Variants in ZNF429 observed in about 807,000 individuals in gnomAD.
ZNF429 encodes the protein zinc finger protein 429.
A neutral mutation model predicts 56.8 loss-of-function variants in ZNF429; 53 were observed. That is an observed-to-expected ratio of 0.93 (90% CI 0.75 to 1.17). The LOEUF (loss-of-function observed/expected upper bound fraction) is 1.17, where lower values mean the gene tolerates loss of function less well. ZNF429 is among the 50% of genes most tolerant of loss of function. The probability of loss-of-function intolerance (pLI) is 0.00; values close to 1 mark genes in which losing one functional copy is unlikely to be tolerated. For synonymous variants in ZNF429, 278 were observed against 264.7 expected, an observed-to-expected ratio of 1.05 and a Z score of -0.49; for missense variants, 849 against 788.4, an observed-to-expected ratio of 1.08 and a Z score of -0.92.
chr19:21,523,406 A>G (rs951558830), intron 1 of ZNF429, among the ~76,000 whole-genome samples: 3 of 152,124 alleles, frequency 2.0e-5, no homozygotes, highest in African/African-American at 7.2e-5. Context: ...TAGTTGTCAA[A>G]CTCGGAGAGA....
chr19:21,534,641 A>G, intron 3 of ZNF429, among the ~76,000 whole-genome samples: 2 of 152,110 alleles, frequency 1.3e-5, no homozygotes, highest in African/African-American at 4.8e-5. Context: ...ATGTGTTGGG[A>G]TTAAAGGCAT....
chr19:21,505,964 C>T (rs2032121590), intron 1 of ZNF429, 190 bp downstream of exon 1: 3 of 528,624 alleles, frequency 5.7e-6, no homozygotes, highest in South Asian at 1.9e-5. Context: ...GGGCCCCGGG[C>T]GTCCTGTCTT....
intron 3 of ZNF429, among the ~76,000 whole-genome samples, chr19:21,532,723 T>G: frequency 0.81 from 121,488 of 150,314 alleles, 49,758 homozygotes; most frequent in African/African-American, 0.95. Context: ...TTGGAGACGG[T>G]GGTCTCGCTT....
chr19:21,534,762 C>CT, intron 3 of ZNF429, among the ~76,000 whole-genome samples: 1 of 149,996 alleles, frequency 6.7e-6, no homozygotes, highest in African/African-American at 2.4e-5. Flanking sequence ...GAGAGAATCT[C>CT]TTGCTTTCAG....
chr19:21,525,048 G>A (rs1168700908), intron 1 of ZNF429, among the ~76,000 whole-genome samples: 1 of 152,072 alleles, frequency 6.6e-6, no homozygotes, highest in Non-Finnish European at 1.5e-5. Context: ...ACTATCAACT[G>A]GATAAATGGT....
chr19:21,509,158 A>G (rs2032330255), intron 1 of ZNF429, among the ~76,000 whole-genome samples: 1 of 151,800 alleles, frequency 6.6e-6, no homozygotes, highest in Admixed American at 6.6e-5. Context: ...ACAGGCGCAC[A>G]CTGTCGCGCC....
chr19:21,512,612 C>T (rs1038592258), intron 1 of ZNF429, among the ~76,000 whole-genome samples: 5 of 144,868 alleles, frequency 3.5e-5, no homozygotes, highest in African/African-American at 7.7e-5. Context: ...TACAGTGACC[C>T]GAGATCACGC....
chr19:21,538,022 T>C lies in ZNF429; in HGVS notation c.1969T>C (p.Leu657=). ...VVAHACNPST[L]GGRGGRITRS... ...GGCTCATGCCTGTAATCCCAGCACT[T>C]TGGGAGGCAGAGGTGGGCGGATCAC... Residue 657 remains leucine, a synonymous_variant, in exon 4 of 4, where the codon TTG becomes CTG. Coordinates refer to ENST00000358491, the MANE Select transcript of ZNF429 (RefSeq NM_001001415.4). The C allele has an allele frequency of 6.2e-7, 1 of 1,607,392 alleles. No homozygotes were observed. The highest frequency in any genetic ancestry group is 8.5e-7 in the Non-Finnish European group (1 of 1,174,976).
chr19:21,528,093 T>C (rs1383779659), intron 1 of ZNF429, among the ~76,000 whole-genome samples: 1 of 152,214 alleles, frequency 6.6e-6, no homozygotes, highest in African/African-American at 2.4e-5. Flanking sequence ...TAGCTTTTTA[T>C]GTGCCATGCA....
intron 1 of ZNF429, among the ~76,000 whole-genome samples, chr19:21,517,956 G>T (rs2032828600): frequency 6.6e-6 from 1 of 151,782 alleles, no homozygotes; most frequent in Non-Finnish European, 1.5e-5. Flanking sequence ...ACCATGCCTG[G>T]CTAATTTTTT....
At chr19:21,521,060 A>G (rs1438245200) in intron 1 of ZNF429, among the ~76,000 whole-genome samples, 1 of 152,240 alleles carries the variant, frequency 6.6e-6, no homozygotes, top group East Asian at 1.9e-4. Context: ...GTACACAAAA[A>G]TTATTTATAC....
Position 21,535,334 on chromosome 19 carries a change from C to CT in ZNF429, c.227-942dup. Among the ~76,000 whole-genome samples the CT allele has an allele frequency of 6.4e-3, 304 of 47,584 alleles. 15 individuals are homozygous for CT. The highest frequency in any genetic ancestry group is 0.012 in the African/African-American group (100 of 8,566). 31.2% of individuals were successfully genotyped at this position (47,584 alleles called of 152,430 possible). A position where few individuals can be genotyped will look rare whatever the true frequency, so the allele number is the denominator to read the frequency against. ...TTCTTTCTTTCTTTCTTTCTCTTTTCTTTTCTTTCCTTTCCTTTCTTTTCT... is the reference window on the plus strand; with the variant it reads ...TTCTTTCTTTCTTTCTTTCTCTTTTCTTTTTCTTTCCTTTCCTTTCTTTTCT... On this transcript the variant is annotated intron_variant, in intron 3 of 3. Coordinates refer to ENST00000358491, the MANE Select transcript of ZNF429 (RefSeq NM_001001415.4).
Position 21,537,498 on chromosome 19 carries a change from A to G in ZNF429, c.1445A>G (p.Lys482Arg). ...ATTCATACTGGAGAGAAACCCTACA[A>G]ATGTGAAGAATGTGGCAAAGCCTTT... ...RRIHTGEKPYKCEECGKAFKQ... is the reference protein window; with the variant it reads ...RRIHTGEKPYRCEECGKAFKQ... Residue 482 changes from lysine to arginine, a missense_variant, in exon 4 of 4, where the codon AAA (lysine) becomes AGA (arginine). By Grantham distance (26) the Lys-to-Arg change is conservative (BLOSUM62 2). Coordinates refer to ENST00000358491, the MANE Select transcript of ZNF429 (RefSeq NM_001001415.4). The G allele has an allele frequency of 6.2e-7, 1 of 1,613,846 alleles. No individual in the cohort carries two copies. The highest frequency in any genetic ancestry group is 8.5e-7 in the Non-Finnish European group (1 of 1,179,970).
intron 1 of ZNF429, among the ~76,000 whole-genome samples, chr19:21,515,010 C>T (rs1045989358): frequency 2.7e-5 from 4 of 148,838 alleles, no homozygotes; most frequent in African/African-American, 9.9e-5. Context: ...GCGTGATCCC[C>T]GCTCACTGCA....
chr19:21,514,378 C>T (rs2032641426), intron 1 of ZNF429, among the ~76,000 whole-genome samples: 1 of 152,252 alleles, frequency 6.6e-6, no homozygotes, highest in African/African-American at 2.4e-5. Flanking sequence ...TGTTGTTCCT[C>T]TCTTTGTGTC....
chr19:21,525,679 T>C (rs531977114), intron 1 of ZNF429, among the ~76,000 whole-genome samples: 18 of 152,368 alleles, frequency 1.2e-4, no homozygotes, highest in Non-Finnish European at 2.1e-4. Context: ...AGACATTCCA[T>C]TTAGCAACTT....
intron 1 of ZNF429, among the ~76,000 whole-genome samples, chr19:21,524,582 C>T (rs920190749): frequency 2.6e-5 from 4 of 151,972 alleles, no homozygotes; most frequent in African/African-American, 9.7e-5. Flanking sequence ...TCCTCTTACC[C>T]AAGAGCTAGC....
chr19:21,522,973 A>T (rs2033036747), intron 1 of ZNF429, among the ~76,000 whole-genome samples: 1 of 152,106 alleles, frequency 6.6e-6, no homozygotes, highest in Non-Finnish European at 1.5e-5. Context: ...AGTCCTCTAC[A>T]GTCACTTCTA....
At chr19:21,523,745 C>T (rs983334400) in intron 1 of ZNF429, among the ~76,000 whole-genome samples, 1 of 152,224 alleles carries the variant, frequency 6.6e-6, no homozygotes, top group Non-Finnish European at 1.5e-5. Flanking sequence ...TTACAATCCT[C>T]AAGCTTGGCC....
Sources: gnomAD v4.1 joint callset for allele counts (sites outside exome capture counted in the v4.1 genomes callset) on GRCh38, gnomAD v4.1.1 for gene constraint, MANE v1.5 for transcripts, NCBI Gene and HGNC (gene_info 2026-07-23, HGNC 2026-07-21) for gene names.